The following PCDHA7 variants were observed in gnomAD, a reference collection of about 807,000 sequenced individuals.
PCDHA7 encodes the protein protocadherin alpha-7.
PCDHA7 carries 37 observed loss-of-function variants against 57.2 expected under a neutral mutation model. The observed-to-expected ratio is 0.65, with a 90% CI of 0.50 to 0.85. The LOEUF (loss-of-function observed/expected upper bound fraction) is 0.85, where lower values mean the gene tolerates loss of function less well. Among genes scored for constraint, PCDHA7 ranks in the 40% least tolerant of loss-of-function variants. The pLI is 0.00. For missense variants in PCDHA7, 1,188 were observed against 1,241.8 expected (o/e 0.96, Z 0.65); for synonymous variants, 553 against 558.8 (o/e 0.99, Z 0.15).
At chr5:140,849,988 G>C in intron 1 of PCDHA7, 2 of 1,597,364 alleles carry the variant, frequency 1.3e-6, no homozygotes, top group South Asian at 1.1e-5. Context: ...GTGGAGCGGC[G>C]GTTGGGCGAG....
At position 140,858,441 on chromosome 5, in the gene PCDHA7, G is replaced by C. The variant is rs782468673; in HGVS notation, c.2355+21703G>C. 13 of 1,537,092 alleles carry C rather than the reference G, an allele frequency of 8.5e-6. 2 individuals carry two copies. The South Asian group carries it at 1.2e-4, about 14-fold the overall frequency. ...GGAGGGGACCACTCTAGGAAGGTGG[G>C]TTATTACGTTTTCATTTTCCTTTTG... is the stretch of plus-strand genomic sequence containing the variant. On this transcript the variant is annotated intron_variant, in intron 1 of 3. Coordinates refer to ENST00000525929, the MANE Select transcript of PCDHA7 (RefSeq NM_018910.3).
rs2150354431 is a variant in PCDHA7 at position 140,843,174 on chromosome 5, C to T, written c.2355+6436C>T. 1.1e-4 allele frequency: 178 copies of T among 1,595,970 alleles called. 24 individuals carry two copies. Among genetic ancestry groups the T allele is most frequent in the Non-Finnish European group, 1.5e-4 (177 of 1,165,624 alleles). ...GAGCTGCAGCCAGCTGCAAGCAGCC[C>T]TCGCATCCCGTTCCGCGTGGGGCTG... On this transcript the variant is annotated intron_variant, in intron 1 of 3. Transcript: ENST00000525929.
Position 140,836,245 on chromosome 5 carries a change from C to G in PCDHA7, c.1862C>G (p.Pro621Arg), listed in dbSNP as rs199869403. ...CCGGTGGCGGCCGGTGCGAGCATCCCGTTCCGCGTGGGGCTGTACACTGGT... is the reference window on the plus strand; with the variant it reads ...CCGGTGGCGGCCGGTGCGAGCATCCGGTTCCGCGTGGGGCTGTACACTGGT... The part of the protein sequence containing the change: ...LQPVAAGASI[P>R]FRVGLYTGEI... The change falls in exon 1 of 4, where the codon CCG becomes CGG. Residue 621 changes from proline (P) to arginine (R), a missense_variant. Coordinates refer to ENST00000525929, the MANE Select transcript of PCDHA7 (RefSeq NM_018910.3). 11 of 1,613,768 alleles carry G rather than the reference C, an allele frequency of 6.8e-6. No individual in the cohort carries two copies. The Admixed American group carries it at 1.0e-4, about 15-fold the overall frequency.
At chr5:140,970,791 T>A (rs2096434096) in intron 1 of PCDHA7, among the ~76,000 whole-genome samples, 2 of 152,210 alleles carry the variant, frequency 1.3e-5, no homozygotes, top group South Asian at 2.1e-4. Flanking sequence ...GTATGTAATA[T>A]CCATATTGTT....
intron 1 of PCDHA7, among the ~76,000 whole-genome samples, chr5:140,904,827 T>A (rs1554191731): frequency 2.0e-5 from 3 of 152,064 alleles, no homozygotes; most frequent in African/African-American, 7.2e-5. Context: ...AGCATTTTTT[T>A]ATATGTTTCA....
intron 1 of PCDHA7, among the ~76,000 whole-genome samples, chr5:140,925,337 A>G (rs2082438861): frequency 6.6e-6 from 1 of 152,072 alleles, no homozygotes; most frequent in South Asian, 2.1e-4. Flanking sequence ...TAAAAGAAGG[A>G]TTTGAGTGAG....
intron 3 of PCDHA7, among the ~76,000 whole-genome samples, chr5:140,996,553 A>C (rs868960335): frequency 1.3e-5 from 2 of 152,172 alleles, no homozygotes; most frequent in African/African-American, 2.4e-5. Flanking sequence ...TGCTGTCACT[A>C]TCTTGAAGTT....
chr5:140,862,475 C>T (rs1252932396), intron 1 of PCDHA7: 2 of 377,970 alleles, frequency 5.3e-6, no homozygotes, highest in African/African-American at 4.2e-5. Flanking sequence ...GCAAATCTAT[C>T]CATTGTTGGT....
At chr5:140,898,445 G>GAA (rs1317860515) in intron 1 of PCDHA7, among the ~76,000 whole-genome samples, 7 of 152,126 alleles carry the variant, frequency 4.6e-5, no homozygotes, top group Admixed American at 3.3e-4. Flanking sequence ...ATTAAATAGG[G>GAA]AATCCTTTCC....
intron 1 of PCDHA7, among the ~76,000 whole-genome samples, chr5:140,889,562 T>C (rs2062274153): frequency 6.6e-6 from 1 of 152,224 alleles, no homozygotes; most frequent in Non-Finnish European, 1.5e-5. Flanking sequence ...TTCAGAATTC[T>C]GCTTTCTGAT....
chr5:140,916,406 G>A (rs988786781), intron 1 of PCDHA7, among the ~76,000 whole-genome samples: 1 of 152,186 alleles, frequency 6.6e-6, no homozygotes, highest in Admixed American at 6.5e-5. Flanking sequence ...GATCACACCT[G>A]AAGTCAGCAC....
chr5:140,939,956 A>G (rs2092504641), intron 1 of PCDHA7, among the ~76,000 whole-genome samples: 1 of 152,234 alleles, frequency 6.6e-6, no homozygotes, highest in Non-Finnish European at 1.5e-5. Context: ...AAATTATGTT[A>G]AAGTGTTCCA....
intron 2 of PCDHA7, chr5:140,982,257 G>A: frequency 1.2e-6 from 1 of 804,182 alleles, no homozygotes; most frequent in Admixed American, 3.3e-5. Context: ...TAGAACATGT[G>A]TGTTCCTGGA....
At position 141,011,260 on chromosome 5, in the gene PCDHA7, C is replaced by T. The variant is rs2098420018; in HGVS notation, c.*1323C>T. On this transcript the variant is annotated 3_prime_UTR_variant, in exon 4 of 4. Coordinates refer to ENST00000525929, the MANE Select transcript of PCDHA7 (RefSeq NM_018910.3). ...TGACTTGTCTTGGTGTGCTAGCCTA[C>T]ACCTTCTCTTTGGTTTAGTTTTCCT... The T allele has an allele frequency of 6.5e-6, 1 of 153,766 alleles. No individual in the cohort carries two copies. The highest frequency in any genetic ancestry group is 6.5e-5 in the Admixed American group (1 of 15,278). 9.5% of individuals were successfully genotyped at this position (153,766 alleles called of 1,614,324 possible).
chr5:140,849,565 T>C (rs2040964471), intron 1 of PCDHA7: 4 of 1,598,566 alleles, frequency 2.5e-6, no homozygotes, highest in South Asian at 2.2e-5. Context: ...ACGCTCTCGG[T>C]TCCTGTAAAA....
Position 140,960,269 on chromosome 5 carries a change from G to A in PCDHA7, c.2356-18680G>A, listed in dbSNP as rs148980300. On this transcript the variant is annotated intron_variant, in intron 1 of 3. Transcript: ENST00000525929. ...CTTCCTGGAGCTTCTGATAAATTCC[G>A]TCACCTTTTTGGGACCCAGTTTCTT... is the stretch of plus-strand genomic sequence containing the variant. Among the ~76,000 whole-genome samples, 355 of 152,162 alleles carry A rather than the reference G, an allele frequency of 2.3e-3. 1 individual carries two copies. The highest frequency in any genetic ancestry group is 7.0e-3 in the African/African-American group (290 of 41,548).
chr5:140,972,832 T>G (rs1209140344), intron 1 of PCDHA7, among the ~76,000 whole-genome samples: 9 of 151,882 alleles, frequency 5.9e-5, no homozygotes. Flanking sequence ...CCTGGCTAAT[T>G]TTTGTATTTT....
At chr5:140,940,572 C>G (rs1315567614) in intron 1 of PCDHA7, among the ~76,000 whole-genome samples, 1 of 152,096 alleles carries the variant, frequency 6.6e-6, no homozygotes, top group African/African-American at 2.4e-5. Context: ...CCTTGGCTCC[C>G]AAAGTGTTGG....
chr5:140,939,993 G>A (rs889924458), intron 1 of PCDHA7, among the ~76,000 whole-genome samples: 3 of 151,902 alleles, frequency 2.0e-5, no homozygotes, highest in African/African-American at 7.3e-5. Context: ...GTTTCTCCTT[G>A]GATTTTGTCA....
Sources: allele counts gnomAD v4.1 joint callset (sites outside exome capture counted in the v4.1 genomes callset), GRCh38; gene constraint gnomAD v4.1.1; transcripts MANE v1.5; gene names NCBI Gene and HGNC (gene_info 2026-07-23, HGNC 2026-07-21).